DLG2: variants seen among roughly 807,000 people sequenced by gnomAD.
The protein encoded by DLG2 is disks large homolog 2.
A neutral mutation model predicts 132.5 loss-of-function variants in DLG2; 45 were observed. The observed-to-expected ratio is 0.34, with a 90% CI of 0.27 to 0.44. The LOEUF (loss-of-function observed/expected upper bound fraction) is 0.44, where lower values mean the gene tolerates loss of function less well. Among genes scored for constraint, DLG2 ranks in the 20% least tolerant of loss-of-function variants. The pLI, the probability that DLG2 is intolerant of heterozygous loss-of-function variation, is 1.00. For missense variants in DLG2, 1,045 were observed against 1,196.9 expected (o/e 0.87, Z 1.87); for synonymous variants, 424 against 419.6 (o/e 1.01, Z -0.13).
intron 19 of DLG2, among the ~76,000 whole-genome samples, chr11:83,587,833 T>C (rs887843222): frequency 1.3e-5 from 2 of 152,046 alleles, no homozygotes; most frequent in African/African-American, 4.8e-5. Flanking sequence ...ACTTGGGAAG[T>C]GCAAGGGGTC....
At chr11:83,712,742 A>G (rs1359440764) in intron 18 of DLG2, among the ~76,000 whole-genome samples, 8 of 152,220 alleles carry the variant, frequency 5.3e-5, no homozygotes, top group Non-Finnish European at 8.8e-5. Flanking sequence ...GTTCTCACTT[A>G]TAAGTGGGAG....
intron 6 of DLG2, among the ~76,000 whole-genome samples, chr11:84,910,098 G>A (rs890586855): frequency 7.9e-5 from 12 of 152,230 alleles, no homozygotes; most frequent in African/African-American, 2.9e-4. Flanking sequence ...AAGGAAGGGA[G>A]GAAATTGGAG....
At chr11:85,252,028 C>A (rs2076421335) in intron 4 of DLG2, among the ~76,000 whole-genome samples, 1 of 152,112 alleles carries the variant, frequency 6.6e-6, no homozygotes, top group Non-Finnish European at 1.5e-5. Flanking sequence ...GAGCAAAAAG[C>A]CCATTAATGA....
At chr11:85,564,853 T>C (rs947219746) in intron 3 of DLG2, among the ~76,000 whole-genome samples, 4 of 152,032 alleles carry the variant, frequency 2.6e-5, no homozygotes, top group East Asian at 1.9e-4. Flanking sequence ...CTTAACAATA[T>C]TGAATTTCCC....
intron 16 of DLG2, among the ~76,000 whole-genome samples, chr11:83,864,814 A>T (rs2062019352): frequency 7.1e-6 from 1 of 140,670 alleles, no homozygotes; most frequent in Non-Finnish European, 1.6e-5. Flanking sequence ...AAATATATGC[A>T]GAAAAAAAAA....
rs182539595 is a variant in DLG2 at position 85,567,725 on chromosome 11, G to A, written c.40+30932C>T. ...ATCAGTCTTAGGAGGAAAGCTTTCC[G>A]TCTCTCACTATTAAGTATGATGTTA... On this transcript the variant is annotated intron_variant, in intron 3 of 27. Transcript: ENST00000376104. Among the ~76,000 whole-genome samples, 455 of 152,196 alleles carry A rather than the reference G, an allele frequency of 3.0e-3. 1 individual carries two copies. The highest frequency in any genetic ancestry group is 9.6e-3 in the African/African-American group (398 of 41,552).
intron 17 of DLG2, among the ~76,000 whole-genome samples, chr11:83,802,413 A>G (rs2153942696): frequency 6.6e-6 from 1 of 152,226 alleles, no homozygotes; most frequent in East Asian, 1.9e-4. Flanking sequence ...CCCTTTGGTT[A>G]GGGTTAAATT....
intron 8 of DLG2, among the ~76,000 whole-genome samples, chr11:84,242,564 C>T (rs1026428337): frequency 2.0e-5 from 3 of 151,914 alleles, no homozygotes; most frequent in African/African-American, 7.3e-5. Flanking sequence ...TGCCACTGTG[C>T]CCGGCTAATT....
chr11:83,589,509 A>G (rs2097150865), intron 19 of DLG2, among the ~76,000 whole-genome samples: 2 of 152,204 alleles, frequency 1.3e-5, no homozygotes, highest in Admixed American at 1.3e-4. Context: ...ATGGAAAGGA[A>G]CAACCGGAAC....
At chr11:83,566,642 TTCTC>T (rs1176991780) in intron 19 of DLG2, among the ~76,000 whole-genome samples, 4 of 151,654 alleles carry the variant, frequency 2.6e-5, no homozygotes, top group Non-Finnish European at 4.4e-5. Context: ...ATAATTCTCT[TTCTC>T]TCTAATTGTT....
At chr11:84,221,610 T>C (rs758814819) in intron 8 of DLG2, among the ~76,000 whole-genome samples, 2 of 152,230 alleles carry the variant, frequency 1.3e-5, no homozygotes, top group Non-Finnish European at 1.5e-5. Flanking sequence ...TTAAGTCACC[T>C]GTACAGCATT....
intron 16 of DLG2, among the ~76,000 whole-genome samples, chr11:83,859,379 G>A (rs2061062334): frequency 6.6e-6 from 1 of 152,196 alleles, no homozygotes; most frequent in Non-Finnish European, 1.5e-5. Flanking sequence ...GGCTGAGGTG[G>A]TCTCAGATGG....
At position 83,536,612 on chromosome 11, in the gene DLG2, G is replaced by A. The variant is rs1213401857; in HGVS notation, c.2118-3829C>T. Among the ~76,000 whole-genome samples, 3 of 151,208 alleles carry A rather than the reference G, an allele frequency of 2.0e-5. No homozygotes were observed. In the South Asian group the frequency reaches 6.3e-4, roughly 32 times the overall value. On this transcript the variant is annotated intron_variant, in intron 20 of 27. Transcript: ENST00000376104. ...ACTAAAGCTCAAATTTTGAAAAATG[G>A]AAAACAGCTATTATTGGAATGTACA...
At chr11:84,389,108 A>G (rs970037745) in intron 7 of DLG2, among the ~76,000 whole-genome samples, 2 of 152,150 alleles carry the variant, frequency 1.3e-5, no homozygotes, top group African/African-American at 2.4e-5. Flanking sequence ...CTCTACAGCT[A>G]ATGTTGCTAG....
intron 4 of DLG2, among the ~76,000 whole-genome samples, chr11:85,272,384 G>T (rs1343102188): frequency 2.0e-5 from 3 of 152,154 alleles, no homozygotes; most frequent in African/African-American, 7.2e-5. Context: ...TTGATTTTAA[G>T]AAATTGACTC....
At chr11:84,033,016 T>C (rs984524978) in intron 11 of DLG2, among the ~76,000 whole-genome samples, 1 of 152,218 alleles carries the variant, frequency 6.6e-6, no homozygotes, top group African/African-American at 2.4e-5. Context: ...TTGTTGCTCA[T>C]TGTCGATGCA....
chr11:84,272,961 G>A (rs1359898322), intron 7 of DLG2, among the ~76,000 whole-genome samples: 2 of 152,038 alleles, frequency 1.3e-5, no homozygotes, highest in Admixed American at 1.3e-4. Context: ...ACCGATTAAT[G>A]CTTGGACATA....
chr11:84,130,960 A>G (rs1167023570), intron 9 of DLG2, among the ~76,000 whole-genome samples: 1 of 152,046 alleles, frequency 6.6e-6, no homozygotes, highest in East Asian at 1.9e-4. Context: ...CATAGGGTTA[A>G]GATGATGCAA....
At chr11:83,752,564 G>T (rs2093373259) in intron 18 of DLG2, among the ~76,000 whole-genome samples, 1 of 152,176 alleles carries the variant, frequency 6.6e-6, no homozygotes, top group African/African-American at 2.4e-5. Flanking sequence ...TTTGGTGAGT[G>T]GTGGGGATGA....
Sources: gnomAD v4.1 joint callset for allele counts (sites outside exome capture counted in the v4.1 genomes callset) on GRCh38, gnomAD v4.1.1 for gene constraint, MANE v1.5 for transcripts, NCBI Gene and HGNC (gene_info 2026-07-23, HGNC 2026-07-21) for gene names.